Variants in DAB1 observed in about 807,000 individuals in gnomAD.
The protein encoded by DAB1 is DAB adaptor protein 1, also known as disabled homolog 1.
A neutral mutation model predicts 64.6 loss-of-function variants in DAB1; 15 were observed. The ratio of observed to expected loss-of-function variants is 0.23; its 90% confidence interval spans 0.16 to 0.36. The LOEUF (loss-of-function observed/expected upper bound fraction) is 0.36. Among genes scored for constraint, DAB1 ranks in the 10% least tolerant of loss-of-function variants. The pLI, the probability that DAB1 is intolerant of heterozygous loss-of-function variation, is 1.00. For synonymous variants in DAB1, 235 were observed against 251.9 expected, an observed-to-expected ratio of 0.93 and a Z score of 0.64; for missense variants, 596 against 706.7, an observed-to-expected ratio of 0.84 and a Z score of 1.78.
chr1:57,964,800 G>T (rs532294147), intron 5 of DAB1, among the ~76,000 whole-genome samples: 1 of 152,206 alleles, frequency 6.6e-6, no homozygotes, highest in Admixed American at 6.5e-5. Context: ...AAAATCTATT[G>T]AAAACAAGAG....
At chr1:58,449,878 G>A (rs1645113606) in intron 3 of DAB1, among the ~76,000 whole-genome samples, 1 of 152,128 alleles carries the variant, frequency 6.6e-6, no homozygotes, top group Non-Finnish European at 1.5e-5. Flanking sequence ...TTTTGAGATA[G>A]TAACAATATT....
intron 4 of DAB1, among the ~76,000 whole-genome samples, chr1:58,335,327 T>G (rs1437598911): frequency 6.6e-6 from 1 of 151,934 alleles, no homozygotes; most frequent in South Asian, 2.1e-4. Context: ...GGTGGAGGAG[T>G]GGCCTGGGGC....
chr1:58,309,527 A>G (rs760078944), intron 4 of DAB1, among the ~76,000 whole-genome samples: 30 of 152,148 alleles, frequency 2.0e-4, no homozygotes, highest in Admixed American at 2.0e-3. Flanking sequence ...CTAAAGCTCA[A>G]ACAGACTCAG....
chr1:57,743,471 G>C (rs71642136), intron 6 of DAB1, among the ~76,000 whole-genome samples: 2 of 152,040 alleles, frequency 1.3e-5, no homozygotes, highest in African/African-American at 4.8e-5. Flanking sequence ...CTCTCTTTTC[G>C]GACTCAGCTC....
intron 6 of DAB1, among the ~76,000 whole-genome samples, chr1:57,777,693 T>G (rs1478875063): frequency 1.3e-5 from 2 of 152,064 alleles, no homozygotes; most frequent in Non-Finnish European, 2.9e-5. Flanking sequence ...ATGAACATAT[T>G]TATAGTAGCT....
intron 5 of DAB1, among the ~76,000 whole-genome samples, chr1:58,150,178 G>C (rs1306720875): frequency 6.6e-6 from 1 of 152,100 alleles, no homozygotes; most frequent in Non-Finnish European, 1.5e-5. Flanking sequence ...ATACTTAATA[G>C]CCAGGAAGTT....
chr1:57,510,929 C>T (rs1054352455), intron 7 of DAB1, among the ~76,000 whole-genome samples: 10 of 152,184 alleles, frequency 6.6e-5, no homozygotes, highest in Non-Finnish European at 1.5e-4. Context: ...CAGGCATGAG[C>T]CACCGCTCCT....
chr1:57,863,902 G>A (rs1654178642), intron 1 of DAB1, among the ~76,000 whole-genome samples: 2 of 152,164 alleles, frequency 1.3e-5, no homozygotes, highest in Admixed American at 6.5e-5. Context: ...TTCATCAAAT[G>A]TGTATTGGGC....
chr1:58,106,639 G>T (rs1223292318), intron 5 of DAB1, among the ~76,000 whole-genome samples: 1 of 152,170 alleles, frequency 6.6e-6, no homozygotes, highest in Non-Finnish European at 1.5e-5. Context: ...GTGGCTTTAT[G>T]ACTTGGATCC....
intron 3 of DAB1, among the ~76,000 whole-genome samples, chr1:58,388,839 T>A (rs1644454512): frequency 6.6e-6 from 1 of 152,182 alleles, no homozygotes; most frequent in Admixed American, 6.5e-5. Flanking sequence ...GACAGGTACT[T>A]TTGAAGTAAC....
At chr1:58,251,525 G>C (rs1296095788) in intron 4 of DAB1, among the ~76,000 whole-genome samples, 1 of 152,168 alleles carries the variant, frequency 6.6e-6, no homozygotes, top group Non-Finnish European at 1.5e-5. Context: ...TCTGAGATCT[G>C]TATGATAAGG....
chr1:57,641,378 GGTTTT>G (rs1646126646), intron 7 of DAB1, among the ~76,000 whole-genome samples: 1 of 109,804 alleles, frequency 9.1e-6, no homozygotes, highest in Non-Finnish European at 1.8e-5. Context: ...TTTTTTTGTT[GGTTTT>G]TTTTTTTTTT....
intron 6 of DAB1, among the ~76,000 whole-genome samples, chr1:57,689,006 CA>C (rs2101710158): frequency 6.6e-6 from 1 of 152,296 alleles, no homozygotes; most frequent in Non-Finnish European, 1.5e-5. Flanking sequence ...ACCCAAATCT[CA>C]GTGTCACACA....
chr1:58,053,876 T>G lies in DAB1; in HGVS notation n.387+96635A>C, dbSNP rs993211473. ...ACAAAAGTTTGGGATTCCCATGGTG[T>G]CAACCATACTCGCTGTTGATCTCTG... is the stretch of plus-strand genomic sequence containing the variant. On this transcript the variant is annotated intron_variant and non_coding_transcript_variant, in intron 5 of 20. Coordinates refer to the DAB1 transcript ENST00000485760. Among the ~76,000 whole-genome samples the G allele has an allele frequency of 2.0e-5, 3 of 152,222 alleles. No individual in the cohort carries two copies. In the East Asian group the frequency reaches 5.8e-4, roughly 29 times the overall value.
intron 4 of DAB1, among the ~76,000 whole-genome samples, chr1:58,236,976 G>C (rs1048658410): frequency 1.3e-5 from 2 of 152,094 alleles, no homozygotes; most frequent in African/African-American, 4.8e-5. Flanking sequence ...CTAGGTCCTT[G>C]GTCCTTATAC....
intron 5 of DAB1, among the ~76,000 whole-genome samples, chr1:57,958,107 C>A (rs1423442847): frequency 1.3e-5 from 2 of 151,938 alleles, no homozygotes; most frequent in African/African-American, 2.4e-5. Flanking sequence ...GCCTCAGCCT[C>A]CCAAGTAGCT....
intron 3 of DAB1, among the ~76,000 whole-genome samples, chr1:58,433,854 G>T (rs1479486818): frequency 6.6e-6 from 1 of 151,994 alleles, no homozygotes; most frequent in Non-Finnish European, 1.5e-5. Context: ...AAATTTTTTA[G>T]CACATAAACT....
chr1:57,502,130 C>G, intron 7 of DAB1, among the ~76,000 whole-genome samples: 1 of 151,918 alleles, frequency 6.6e-6, no homozygotes, highest in East Asian at 1.9e-4. Context: ...ACCATCCTGG[C>G]TAACACGGTG....
chr1:58,147,491 G>T (rs534398790), intron 5 of DAB1, among the ~76,000 whole-genome samples: 28 of 150,528 alleles, frequency 1.9e-4, no homozygotes, highest in African/African-American at 4.9e-5. Flanking sequence ...GGTGGCAGAC[G>T]CCTGTAGTCC....
Sources: allele counts gnomAD v4.1 joint callset (sites outside exome capture counted in the v4.1 genomes callset), GRCh38; gene constraint gnomAD v4.1.1; transcripts MANE v1.5; gene names NCBI Gene and HGNC (gene_info 2026-07-23, HGNC 2026-07-21).